Variants in GALNT13 observed in about 807,000 individuals in gnomAD.
GALNT13 encodes polypeptide N-acetylgalactosaminyltransferase 13, also known as UDP-GalNAc:polypeptide N-acetylgalactosaminyltransferase 13.
GALNT13 carries 28 observed loss-of-function variants against 64.2 expected under a neutral mutation model. That is an observed-to-expected ratio of 0.44 (90% CI 0.32 to 0.60). The LOEUF (loss-of-function observed/expected upper bound fraction) is 0.60, where lower values mean the gene tolerates loss of function less well. GALNT13 is among the 20% of genes least tolerant of loss of function. The pLI is 0.05. For synonymous variants in GALNT13, 214 were observed against 224.6 expected, an observed-to-expected ratio of 0.95 and a Z score of 0.42; for missense variants, 577 against 669.8, an observed-to-expected ratio of 0.86 and a Z score of 1.53.
intron 3 of GALNT13, among the ~76,000 whole-genome samples, chr2:154,072,823 A>G (rs1175795899): frequency 6.6e-6 from 1 of 152,036 alleles, no homozygotes; most frequent in African/African-American, 2.4e-5. Flanking sequence ...AACACAAAGA[A>G]TTAAATGAAG....
In GALNT13 at chr2:153,988,757, T is replaced by C. The variant is rs138860913; in HGVS notation, c.142+44118T>C. On this transcript the variant is annotated intron_variant, in intron 3 of 12. Coordinates refer to ENST00000392825, the MANE Select transcript of GALNT13 (RefSeq NM_052917.4). ...TGAAAATTTAAGAGGATGATGAGGA[T>C]CTAAATACGTAATAAAAGTGACATA... 5.9e-3 allele frequency among the ~76,000 whole-genome samples: 899 copies of C among 152,096 alleles called. 7 individuals are homozygous for C. Among genetic ancestry groups the C allele is most frequent in the Non-Finnish European group, 9.2e-3 (625 of 67,906 alleles).
At chr2:154,028,216 A>G (rs959262764) in intron 3 of GALNT13, among the ~76,000 whole-genome samples, 15 of 152,156 alleles carry the variant, frequency 9.9e-5, no homozygotes, top group African/African-American at 3.6e-4. Context: ...CTTGAAGGCA[A>G]AATCATAACC....
the GALNT13 span, among the ~76,000 whole-genome samples, chr2:153,622,786 T>A: frequency 2.6e-5 from 4 of 152,270 alleles, no homozygotes; most frequent in African/African-American, 9.6e-5. Flanking sequence ...CATAATGAGC[T>A]CACTGGTAAC....
the GALNT13 span, among the ~76,000 whole-genome samples, chr2:153,121,633 G>A: frequency 3.0e-4 from 46 of 152,208 alleles, no homozygotes; most frequent in African/African-American, 9.6e-4. Flanking sequence ...CTGGGTTCAC[G>A]CAAGTCTGCC....
At chr2:153,798,785 T>A in the GALNT13 span, among the ~76,000 whole-genome samples, 7 of 152,200 alleles carry the variant, frequency 4.6e-5, no homozygotes. Context: ...ACTTCTGGTG[T>A]ATTTCCATGT....
At chr2:153,676,208 A>G in the GALNT13 span, among the ~76,000 whole-genome samples, 5 of 152,160 alleles carry the variant, frequency 3.3e-5, no homozygotes, top group East Asian at 9.6e-4. Flanking sequence ...CAGGAATACA[A>G]AAAACCCTCA....
the GALNT13 span, among the ~76,000 whole-genome samples, chr2:153,767,331 T>C: frequency 2.0e-5 from 3 of 152,104 alleles, no homozygotes; most frequent in South Asian, 6.2e-4. Context: ...AGATACAATA[T>C]TTTCTTTATC....
chr2:154,348,406 G>C (rs962436031), intron 9 of GALNT13, among the ~76,000 whole-genome samples: 40 of 151,682 alleles, frequency 2.6e-4, no homozygotes, highest in African/African-American at 9.5e-4. Flanking sequence ...ATAGTTTCTC[G>C]GTGTTACAGT....
the GALNT13 span, among the ~76,000 whole-genome samples, chr2:153,536,635 T>A: frequency 6.6e-6 from 1 of 152,218 alleles, no homozygotes; most frequent in Non-Finnish European, 1.5e-5. Flanking sequence ...CCATTTTAAT[T>A]TGCACTTAAT....
chr2:153,536,460 G>A, the GALNT13 span, among the ~76,000 whole-genome samples: 2 of 151,470 alleles, frequency 1.3e-5, no homozygotes, highest in South Asian at 4.2e-4. Context: ...AAGTGATTTT[G>A]AGTTTTTTTT....
chr2:153,661,115 C>T, the GALNT13 span, among the ~76,000 whole-genome samples: 1 of 152,130 alleles, frequency 6.6e-6, no homozygotes, highest in Non-Finnish European at 1.5e-5. Context: ...TATCTAGTAT[C>T]TAACCTGGCT....
At chr2:153,971,884 A>C (rs576957882) in intron 3 of GALNT13, among the ~76,000 whole-genome samples, 2 of 152,246 alleles carry the variant, frequency 1.3e-5, no homozygotes, top group African/African-American at 2.4e-5. Context: ...ATGTCTTCTC[A>C]GATGTAATTA....
intron 1 of GALNT13, among the ~76,000 whole-genome samples, chr2:153,872,822 G>T (rs1007358606): frequency 6.6e-6 from 1 of 152,082 alleles, no homozygotes; most frequent in Non-Finnish European, 1.5e-5. Flanking sequence ...TTCGTATAGT[G>T]CCCCCTTTGC....
At chr2:154,407,734 T>A (rs1285290673) in intron 10 of GALNT13, among the ~76,000 whole-genome samples, 1 of 152,060 alleles carries the variant, frequency 6.6e-6, no homozygotes, top group Non-Finnish European at 1.5e-5. Context: ...CTCAGCCCCT[T>A]GAAACAGGGC....
At chr2:153,307,960 G>C in the GALNT13 span, among the ~76,000 whole-genome samples, 7 of 152,060 alleles carry the variant, frequency 4.6e-5, no homozygotes, top group Admixed American at 4.6e-4. Flanking sequence ...CACATAAGCA[G>C]ATTTACAGAT....
the GALNT13 span, among the ~76,000 whole-genome samples, chr2:153,626,196 A>G: frequency 3.3e-5 from 5 of 152,144 alleles, no homozygotes; most frequent in East Asian, 9.7e-4. Flanking sequence ...CTCAATGAAG[A>G]AATATAAATT....
At chr2:153,670,366 T>G in the GALNT13 span, among the ~76,000 whole-genome samples, 1 of 152,154 alleles carries the variant, frequency 6.6e-6, no homozygotes, top group East Asian at 1.9e-4. Flanking sequence ...GACAGCAATA[T>G]TAGCTGTTCT....
chr2:153,438,004 C>G, the GALNT13 span, among the ~76,000 whole-genome samples: 1 of 152,170 alleles, frequency 6.6e-6, no homozygotes, highest in African/African-American at 2.4e-5. Flanking sequence ...TTCAGGAGCT[C>G]TTTTAGGGCA....
chr2:153,799,397 G>GA, the GALNT13 span, among the ~76,000 whole-genome samples: 1 of 152,078 alleles, frequency 6.6e-6, no homozygotes, highest in Non-Finnish European at 1.5e-5. Flanking sequence ...ATAGTTACTA[G>GA]AAATTGTATT....
Sources: gnomAD v4.1 joint callset for allele counts (sites outside exome capture counted in the v4.1 genomes callset) on GRCh38, gnomAD v4.1.1 for gene constraint, MANE v1.5 for transcripts, NCBI Gene and HGNC (gene_info 2026-07-23, HGNC 2026-07-21) for gene names.